The following MEIOSIN variants were observed in gnomAD, a reference collection of about 807,000 sequenced individuals.
MEIOSIN encodes meiosis initiator.
A neutral mutation model predicts 23.4 loss-of-function variants in MEIOSIN; 18 were observed. The ratio of observed to expected loss-of-function variants is 0.77; its 90% CI spans 0.53 to 1.14. The LOEUF (loss-of-function observed/expected upper bound fraction) is 1.14, where lower values mean the gene tolerates loss of function less well. MEIOSIN is among the 50% of genes most tolerant of loss of function. The pLI is 0.00. For missense variants in MEIOSIN, 428 were observed against 242.9 expected (o/e 1.76, Z -5.07); for synonymous variants, 187 against 100.6 (o/e 1.86, Z -5.14).
chr19:45,751,203 C>T (rs1326899362), intron 5 of MEIOSIN, among the ~76,000 whole-genome samples: 5 of 150,816 alleles, frequency 3.3e-5, no homozygotes, highest in East Asian at 3.9e-4. Flanking sequence ...ACCTGGGAGG[C>T]GGAGGTTGCT....
chr19:45,756,853 C>T (rs1421850454), intron 8 of MEIOSIN, among the ~76,000 whole-genome samples: 3 of 152,158 alleles, frequency 2.0e-5, no homozygotes, highest in African/African-American at 4.8e-5. Flanking sequence ...AGAAGCCCTG[C>T]GCCAGCCCCT....
At chr19:45,735,272 G>A (rs771058754) in intron 1 of MEIOSIN, 105 bp from the exon 2 acceptor site, 36 of 649,490 alleles carry the variant, frequency 5.5e-5, no homozygotes, top group Non-Finnish European at 8.7e-5. Flanking sequence ...ATCTCTGGGT[G>A]CTCAAAGGAG....
chr19:45,761,649 C>T (rs1172899555), intron 11 of MEIOSIN, 30 bp from the exon 12 acceptor site: 2 of 695,206 alleles, frequency 2.9e-6, no homozygotes, highest in African/African-American at 1.8e-5. Flanking sequence ...CTTGTCTCCC[C>T]TCCCATCTTT....
intron 14 of MEIOSIN, 26 bp downstream of exon 14, chr19:45,763,453 G>C (rs1428593415): frequency 2.5e-6 from 1 of 398,518 alleles, no homozygotes; most frequent in Non-Finnish European, 4.4e-6. Flanking sequence ...CCCGAGGTGT[G>C]GGTGGGGGGT....
At chr19:45,743,299 C>T (rs992787928) in intron 3 of MEIOSIN, among the ~76,000 whole-genome samples, 1 of 152,190 alleles carries the variant, frequency 6.6e-6, no homozygotes, top group Non-Finnish European at 1.5e-5. Context: ...TAGACCTGGA[C>T]ACTTTTTCTT....
At chr19:45,734,551 T>C (rs969086574) in intron 1 of MEIOSIN, among the ~76,000 whole-genome samples, 3 of 152,034 alleles carry the variant, frequency 2.0e-5, no homozygotes, top group African/African-American at 7.3e-5. Flanking sequence ...TCATCCAGGC[T>C]GGAGTGCAGT....
chr19:45,734,670 A>AT (rs34632029), intron 1 of MEIOSIN, among the ~76,000 whole-genome samples: 23,982 of 137,836 alleles, frequency 0.17, 2,227 homozygotes, highest in Admixed American at 0.28. Flanking sequence ...TGCCCAGGTA[A>AT]TTTTTTTTTT....
intron 4 of MEIOSIN, among the ~76,000 whole-genome samples, chr19:45,748,850 C>T (rs1017716376): frequency 4.6e-5 from 7 of 151,700 alleles, no homozygotes; most frequent in African/African-American, 1.7e-4. Context: ...GGGTGGATCA[C>T]TTGAGGTCGG....
chr19:45,746,040 C>G (rs1366558537), intron 4 of MEIOSIN, among the ~76,000 whole-genome samples: 2 of 152,196 alleles, frequency 1.3e-5, no homozygotes, highest in African/African-American at 4.8e-5. Flanking sequence ...TCGACCTCAG[C>G]TCACTGCAGC....
At chr19:45,748,282 G>A (rs946949724) in intron 4 of MEIOSIN, among the ~76,000 whole-genome samples, 6 of 152,130 alleles carry the variant, frequency 3.9e-5, no homozygotes, top group South Asian at 2.1e-4. Context: ...GGGTTTCACC[G>A]TGTTAGCCAG....
chr19:45,751,772 G>T (rs185393249), intron 5 of MEIOSIN, among the ~76,000 whole-genome samples: 1 of 147,500 alleles, frequency 6.8e-6, no homozygotes, highest in Non-Finnish European at 1.5e-5. Flanking sequence ...CTCTTGTTGC[G>T]CAGGCTGGAG....
At chr19:45,762,878 G>A (rs981950657) in intron 13 of MEIOSIN, among the ~76,000 whole-genome samples, 7 of 152,220 alleles carry the variant, frequency 4.6e-5, no homozygotes, top group African/African-American at 1.7e-4. Context: ...TGTCTTCCGG[G>A]CTGGCTTCAT....
At chr19:45,740,488 C>T (rs569201423) in intron 3 of MEIOSIN, among the ~76,000 whole-genome samples, 5 of 152,316 alleles carry the variant, frequency 3.3e-5, no homozygotes, top group South Asian at 4.1e-4. Context: ...CGGAGGCTCA[C>T]GCCTGTAATC....
chr19:45,763,228 C>T (rs946070893), intron 13 of MEIOSIN, 110 bp from the exon 14 acceptor site: 8 of 397,118 alleles, frequency 2.0e-5, no homozygotes, highest in Non-Finnish European at 3.5e-5. Flanking sequence ...TCCTCAGCTC[C>T]AGAGGGTGGT....
chr19:45,760,463 G>C (rs1250921498), intron 11 of MEIOSIN, among the ~76,000 whole-genome samples: 2 of 151,896 alleles, frequency 1.3e-5, no homozygotes, highest in Non-Finnish European at 2.9e-5. Context: ...AAAATTAGCC[G>C]GGTGTGGTGG....
At chr19:45,755,128 CTATT>C (rs1968796844) in intron 7 of MEIOSIN, among the ~76,000 whole-genome samples, 1 of 151,284 alleles carries the variant, frequency 6.6e-6, no homozygotes, top group African/African-American at 2.4e-5. Context: ...TCTCGTTCCT[CTATT>C]TGTTCATTCA....
At chr19:45,751,115 A>G (rs1968695398) in intron 5 of MEIOSIN, among the ~76,000 whole-genome samples, 1 of 152,008 alleles carries the variant, frequency 6.6e-6, no homozygotes, top group Non-Finnish European at 1.5e-5. Flanking sequence ...TCTACTAAAA[A>G]TACAAAAATT....
chr19:45,759,433 G>A lies in MEIOSIN; in HGVS notation c.1188G>A (p.Val396=). ...CCCTAGCGGCTTTCTTTGAAGAAGT[G>A]TGCTTAGATCTGGAGTCTTCACCTT... ...YLTQAAFFEE[V]CLDLESSPSA... Residue 396 remains valine, a synonymous_variant, in exon 11 of 15, where the codon GTG becomes GTA. Transcript: ENST00000457052. 1.4e-6 allele frequency: 1 copy of A among 703,548 alleles called. No homozygotes were observed. Among genetic ancestry groups the A allele is most frequent in the Non-Finnish European group, 2.6e-6 (1 of 385,100 alleles). 43.6% of individuals were successfully genotyped at this position (703,548 alleles called of 1,614,324 possible).
At chr19:45,760,341 G>A (rs1033716624) in intron 11 of MEIOSIN, among the ~76,000 whole-genome samples, 7 of 151,888 alleles carry the variant, frequency 4.6e-5, no homozygotes, top group African/African-American at 9.7e-5. Flanking sequence ...GGTGGCTCAC[G>A]CCTGTAATCC....
Sources: gnomAD v4.1 joint callset for allele counts (sites outside exome capture counted in the v4.1 genomes callset) on GRCh38, gnomAD v4.1.1 for gene constraint, MANE v1.5 for transcripts, NCBI Gene and HGNC (gene_info 2026-07-23, HGNC 2026-07-21) for gene names.